The following SAMTOR variants were observed in gnomAD, a reference collection of about 807,000 sequenced individuals.
SAMTOR encodes the protein UPF0532 protein C7orf60.
chr7:112,928,378 T>C, the SAMTOR span, among the ~76,000 whole-genome samples: 1 of 152,092 alleles, frequency 6.6e-6, no homozygotes, highest in African/African-American at 2.4e-5. Context: ...TTTATCTGCC[T>C]CCCACTTTAT....
At chr7:112,882,429 G>A in the SAMTOR span, among the ~76,000 whole-genome samples, 3 of 152,154 alleles carry the variant, frequency 2.0e-5, no homozygotes, top group Non-Finnish European at 4.4e-5. Context: ...AGTAGCTCAC[G>A]CCTGTAATCC....
chr7:112,864,780 G>A, the SAMTOR span, among the ~76,000 whole-genome samples: 70 of 152,150 alleles, frequency 4.6e-4, no homozygotes, highest in African/African-American at 1.3e-3. Flanking sequence ...TTTGAGACAG[G>A]GTCTCTCTCT....
chr7:112,900,883 CA>C, the SAMTOR span, among the ~76,000 whole-genome samples: 1 of 152,234 alleles, frequency 6.6e-6, no homozygotes, highest in Non-Finnish European at 1.5e-5. Context: ...ACACCTTTGA[CA>C]AAAATTATCT....
the SAMTOR span, among the ~76,000 whole-genome samples, chr7:112,846,518 T>C: frequency 6.6e-6 from 1 of 151,924 alleles, no homozygotes; most frequent in East Asian, 1.9e-4. Flanking sequence ...TAAAAAGAGG[T>C]GAATGAAAAA....
the SAMTOR span, among the ~76,000 whole-genome samples, chr7:112,862,080 G>C: frequency 6.6e-6 from 1 of 152,052 alleles, no homozygotes; most frequent in Non-Finnish European, 1.5e-5. Context: ...CATTGGTGAA[G>C]CCCTGTCTCT....
the SAMTOR span, among the ~76,000 whole-genome samples, chr7:112,902,447 A>C: frequency 1.5e-5 from 2 of 129,276 alleles, no homozygotes; most frequent in African/African-American, 5.8e-5. Flanking sequence ...AACAAAAAAA[A>C]ACAAAAAAAA....
the SAMTOR span, among the ~76,000 whole-genome samples, chr7:112,907,306 C>T: frequency 2.5e-4 from 38 of 152,166 alleles, no homozygotes; most frequent in African/African-American, 8.4e-4. Flanking sequence ...TAGATCAATA[C>T]TTCACAAGAA....
the SAMTOR span, among the ~76,000 whole-genome samples, chr7:112,867,651 T>G: frequency 2.0e-5 from 3 of 152,230 alleles, no homozygotes; most frequent in Non-Finnish European, 4.4e-5. Context: ...ATAATGTTCC[T>G]GAATGGATAA....
the SAMTOR span, among the ~76,000 whole-genome samples, chr7:112,914,261 T>C: frequency 2.7e-5 from 4 of 145,834 alleles, no homozygotes; most frequent in African/African-American, 1.0e-4. Flanking sequence ...TTCATGTTTA[T>C]TTATTTAGCC....
At chr7:112,885,745 C>T in the SAMTOR span, among the ~76,000 whole-genome samples, 1 of 152,196 alleles carries the variant, frequency 6.6e-6, no homozygotes, top group Admixed American at 6.5e-5. Context: ...AGCATTCCCA[C>T]ATTTTACTGT....
the SAMTOR span, among the ~76,000 whole-genome samples, chr7:112,835,961 T>C: frequency 1.3e-5 from 2 of 152,178 alleles, no homozygotes; most frequent in African/African-American, 4.8e-5. Context: ...TGCATGTGTC[T>C]TTATTGTAGA....
the SAMTOR span, among the ~76,000 whole-genome samples, chr7:112,894,270 T>G: frequency 2.0e-5 from 3 of 152,004 alleles, no homozygotes; most frequent in Non-Finnish European, 4.4e-5. Flanking sequence ...ATACATGACA[T>G]TTATTGAATA....
the SAMTOR span, among the ~76,000 whole-genome samples, chr7:112,841,186 C>T: frequency 6.6e-6 from 1 of 152,016 alleles, no homozygotes; most frequent in Non-Finnish European, 1.5e-5. Context: ...AAAACCCCAT[C>T]GTCTCAGACC....
the SAMTOR span, among the ~76,000 whole-genome samples, chr7:112,868,787 G>A: frequency 6.6e-6 from 1 of 152,206 alleles, no homozygotes; most frequent in African/African-American, 2.4e-5. Flanking sequence ...GAGTGCCCCA[G>A]CAGTAGTTGC....
At chr7:112,939,259 C>T in the SAMTOR span, 1 of 320,236 alleles carries the variant, frequency 3.1e-6, no homozygotes, top group South Asian at 5.4e-5. Flanking sequence ...AAAAAGCGAC[C>T]CCCACCTCCT....
At chr7:112,831,903 C>A in the SAMTOR span, among the ~76,000 whole-genome samples, 2 of 152,120 alleles carry the variant, frequency 1.3e-5, no homozygotes, top group Non-Finnish European at 2.9e-5. Context: ...CTCTACAACA[C>A]TGTATATTTC....
the SAMTOR span, among the ~76,000 whole-genome samples, chr7:112,915,127 A>C: frequency 1.3e-5 from 2 of 152,008 alleles, no homozygotes. Context: ...AATCCCAGCT[A>C]CTTGGGAGGC....
chr7:112,832,609 C>G, the SAMTOR span: 15 of 1,613,440 alleles, frequency 9.3e-6, no homozygotes, highest in South Asian at 1.6e-4. Flanking sequence ...ATTCTTCAAA[C>G]TTCAGAAATG....
chr7:112,865,607 T>C, the SAMTOR span, among the ~76,000 whole-genome samples: 1 of 147,146 alleles, frequency 6.8e-6, no homozygotes, highest in Non-Finnish European at 1.5e-5. Flanking sequence ...ATATATTTCA[T>C]ATATATACAT....
Sources: allele counts gnomAD v4.1 joint callset (sites outside exome capture counted in the v4.1 genomes callset), GRCh38; gene constraint gnomAD v4.1.1; transcripts MANE v1.5; gene names NCBI Gene and HGNC (gene_info 2026-07-23, HGNC 2026-07-21).